The following CHD4 variants were observed in gnomAD, a reference collection of about 807,000 sequenced individuals.
CHD4 encodes ATP-dependent chromatin remodeler CHD4.
Under a neutral mutation model 235.5 loss-of-function variants are expected in CHD4, and 35 were observed. The observed-to-expected ratio is 0.15, with a 90% CI of 0.11 to 0.20. The LOEUF (loss-of-function observed/expected upper bound fraction) is 0.20, where lower values mean the gene tolerates loss of function less well. CHD4 is among the 10% of genes least tolerant of loss of function. CHD4 has a pLI of 1.00. For synonymous variants in CHD4, 900 were observed against 850.2 expected (o/e 1.06, Z -1.02); for missense variants, 1,329 against 2,432.3 (o/e 0.55, Z 9.54).
chr12:6,573,885 A>G (rs1948021825), intron 37 of CHD4, among the ~76,000 whole-genome samples: 2 of 149,992 alleles, frequency 1.3e-5, no homozygotes, highest in Admixed American at 1.3e-4. Flanking sequence ...TTAGCCAGGT[A>G]TGGTAGTGCG....
Position 6,607,315 on chromosome 12 carries a change from G to A in CHD4, c.-94C>T, listed in dbSNP as rs1160414728. 4 of 151,966 alleles carry A rather than the reference G, an allele frequency of 2.6e-5. No individual in the cohort carries two copies. The highest frequency in any genetic ancestry group is 5.9e-5 in the Non-Finnish European group (4 of 67,950). The allele number at this position is 151,966 out of a possible 1,614,324, so 9.4% of individuals were successfully genotyped here. A position where few individuals can be genotyped will look rare whatever the true frequency, so the allele number is the denominator to read the frequency against. ...CTCTCCTCACCCCGGAGCCGCCGCA[G>A]GTCGCGCTGGGTCCGGCTCGGTGTC... is the stretch of plus-strand genomic sequence containing the variant. On this transcript the variant is annotated 5_prime_UTR_variant, in exon 1 of 40. Coordinates refer to ENST00000544040, the MANE Select transcript of CHD4 (RefSeq NM_001273.5).
intron 28 of CHD4, 42 bp downstream of exon 28, chr12:6,582,806 A>T: frequency 6.2e-7 from 1 of 1,614,010 alleles, no homozygotes; most frequent in East Asian, 2.2e-5. Context: ...CAAAGATGCA[A>T]TATCTGACAC....
chr12:6,576,543 G>A (rs1295594805), intron 37 of CHD4, among the ~76,000 whole-genome samples: 5 of 152,116 alleles, frequency 3.3e-5, no homozygotes, highest in African/African-American at 1.2e-4. Context: ...TTGAACTCCT[G>A]GACTCAAGCA....
Position 6,577,815 on chromosome 12 carries a change from G to C in CHD4, c.5331C>G (p.Ile1777Met), listed in dbSNP as rs1948097561. The change falls in exon 37 of 40, where the codon ATC becomes ATG. Residue 1777 changes from isoleucine (I) to methionine (M), a missense_variant. Physicochemically the swap from Ile to Met is conservative, Grantham distance 10. Transcript: ENST00000544040. Reference sequence around the variant, plus strand: ...ACCTTCGAGCTAGAAATTTATTCTTGATCTCTAAGAAATTGCCACGGTTCA... The same window carrying C: ...ACCTTCGAGCTAGAAATTTATTCTTCATCTCTAAGAAATTGCCACGGTTCA... ...GEMNRGNFLE[I>M]KNKFLARRFK... The C allele has an allele frequency of 6.2e-7, 1 of 1,614,052 alleles. No individual in the cohort carries two copies. Among genetic ancestry groups the C allele is most frequent in the Admixed American group, 1.7e-5 (1 of 60,000 alleles).
In CHD4 at chr12:6,578,558, G is replaced by A. The variant is rs1348920487; in HGVS notation, c.4982-12C>T. 1 of 1,609,038 alleles carries A rather than the reference G, an allele frequency of 6.2e-7. No individual in the cohort carries two copies. The highest frequency in any genetic ancestry group is 1.7e-5 in the Admixed American group (1 of 59,468). On this transcript the variant is annotated splice_polypyrimidine_tract_variant and intron_variant, in intron 34 of 39. Transcript: ENST00000544040. ...TTCTTTCTTCTCTTCTACAGAATATGGGGAAGAAAAATGTCAGCTCCAGCC... is the reference window on the plus strand; with the variant it reads ...TTCTTTCTTCTCTTCTACAGAATATAGGGAAGAAAAATGTCAGCTCCAGCC...
intron 38 of CHD4, 178 bp from the exon 39 acceptor site, chr12:6,571,210 C>G: frequency 1.5e-6 from 1 of 687,136 alleles, no homozygotes; most frequent in Non-Finnish European, 2.4e-6. Context: ...CCAGTTCCAA[C>G]TGTCCATGAT....
chr12:6,570,620 A>C lies in CHD4; in HGVS notation c.*56T>G, dbSNP rs368227033. On this transcript the variant is annotated 3_prime_UTR_variant, in exon 40 of 40. Transcript: ENST00000544040. The stretch of plus-strand genomic sequence containing the variant: ...AGGCCCCCAGGGGAGAAGCTGGGAC[A>C]AGAGAAAGTGAGGAAGGTCACTGCT... 6.8e-6 allele frequency: 11 copies of C among 1,611,098 alleles called. No homozygotes were observed. In the African/African-American group the frequency reaches 1.5e-4, roughly 22 times the overall value.
chr12:6,585,872 C>A (rs1480484284), intron 25 of CHD4, among the ~76,000 whole-genome samples: 1 of 150,320 alleles, frequency 6.7e-6, no homozygotes, highest in African/African-American at 2.4e-5. Context: ...CCGAGGCAGG[C>A]GGATCACTTG....
chr12:6,585,800 A>C (rs1363738991), intron 25 of CHD4, among the ~76,000 whole-genome samples: 17 of 137,990 alleles, frequency 1.2e-4, no homozygotes, highest in South Asian at 4.5e-4. Context: ...AAAAAAAAAA[A>C]ACACACACAC....
In CHD4 at chr12:6,594,501, T is replaced by C. The variant is rs1948452640; in HGVS notation, c.2271A>G (p.Lys757=). 6.2e-7 allele frequency: 1 copy of C among 1,613,922 alleles called. No homozygotes were observed. Among genetic ancestry groups the C allele is most frequent in the African/African-American group, 1.3e-5 (1 of 75,036 alleles). ...ACAGGAAGACTGCTGTCTGTACAGTTTTCCCAAGGCCCATCTCATCAGCCA... is the reference window on the plus strand; with the variant it reads ...ACAGGAAGACTGCTGTCTGTACAGTCTTCCCAAGGCCCATCTCATCAGCCA... The part of the protein sequence containing the change: ...TILADEMGLG[K]TVQTAVFLYS... Residue 757 remains lysine, a synonymous_variant, in exon 15 of 40, where the codon AAA becomes AAG. Coordinates refer to ENST00000544040, the MANE Select transcript of CHD4 (RefSeq NM_001273.5).
chr12:6,591,397 C>T, intron 22 of CHD4, 69 bp downstream of exon 22: 1 of 1,213,624 alleles, frequency 8.2e-7, no homozygotes, highest in Non-Finnish European at 1.2e-6. Context: ...AGGAGATGCA[C>T]AAGAAGTTAC....
rs71584862 is a variant in CHD4, at chr12:6,606,256, C to T, written c.100+18G>A. 0.027 allele frequency: 40,601 copies of T among 1,520,626 alleles called. 2,363 individuals carry two copies. The East Asian group carries it at 0.29, about 11-fold the overall frequency. 94.2% of individuals were successfully genotyped at this position (1,520,626 alleles called of 1,614,324 possible). On this transcript the variant is annotated intron_variant, in intron 2 of 39. Transcript: ENST00000544040. ...CAGATGTCTCCTTCCCGCCATGGGC[C>T]CTTGGGGAAGATGTTACCTGGGTGG... is the stretch of plus-strand genomic sequence containing the variant.
chr12:6,574,411 C>T (rs530631817), intron 37 of CHD4, among the ~76,000 whole-genome samples: 3 of 152,268 alleles, frequency 2.0e-5, no homozygotes, highest in South Asian at 4.1e-4. Context: ...AACACTCATG[C>T]ACATGTCATC....
chr12:6,572,199 C>T (rs932372779), intron 38 of CHD4, among the ~76,000 whole-genome samples: 3 of 151,350 alleles, frequency 2.0e-5, no homozygotes, highest in Admixed American at 1.3e-4. Context: ...GAGGCGGAGG[C>T]GGGTGGATCA....
At chr12:6,582,582 C>T (rs750582102) in intron 29 of CHD4, 33 bp downstream of exon 29, 15 of 1,588,256 alleles carry the variant, frequency 9.4e-6, no homozygotes, top group Non-Finnish European at 1.3e-5. Flanking sequence ...GAAGCCCTTG[C>T]TCTAGATCAG....
chr12:6,606,158 C>T (rs541407059), intron 2 of CHD4, 116 bp downstream of exon 2: 169 of 687,610 alleles, frequency 2.5e-4, no homozygotes, highest in South Asian at 4.0e-5. Flanking sequence ...GGATACCCTC[C>T]ACCTCCGGCT....
At chr12:6,598,485 CCA>C (rs1948536609) in intron 10 of CHD4, 60 bp from the exon 11 acceptor site, 1 of 1,365,704 alleles carries the variant, frequency 7.3e-7, no homozygotes, top group Non-Finnish European at 1.0e-6. Context: ...AAGGGACAGC[CCA>C]CAGTCTCAAC....
In CHD4 at chr12:6,582,660, T is replaced by C; in HGVS notation, c.4325A>G (p.Gln1442Arg). Residue 1442 changes from glutamine (Q) to arginine (R), a missense_variant, in exon 29 of 40, where the codon CAG becomes CGG. Gln to Arg is a conservative substitution (Grantham distance 43). Around this residue, in one of 26 missense-constraint regions of CHD4, gnomAD observed 48 missense variants for 109.6 expected, o/e 0.44. Transcript: ENST00000544040. ...GCCTCGCAGGTCTCTTACAAGCCACTGGGTAGTAAAAGCATCCTGAGGTGG... is the reference window on the plus strand; with the variant it reads ...GCCTCGCAGGTCTCTTACAAGCCACCGGGTAGTAAAAGCATCCTGAGGTGG... ...GMPPQDAFTTQWLVRDLRGKS... is the reference protein window; with the variant it reads ...GMPPQDAFTTRWLVRDLRGKS... 1.2e-6 allele frequency: 2 copies of C among 1,614,118 alleles called. No homozygotes were observed. Among genetic ancestry groups the C allele is most frequent in the Non-Finnish European group, 1.7e-6 (2 of 1,180,008 alleles).
At chr12:6,605,361 C>T (rs1948674544) in intron 2 of CHD4, among the ~76,000 whole-genome samples, 1 of 152,152 alleles carries the variant, frequency 6.6e-6, no homozygotes, top group Admixed American at 6.6e-5. Flanking sequence ...TGAAAAAGGA[C>T]ACAGAAGAGA....
Sources: allele counts gnomAD v4.1 joint callset (sites outside exome capture counted in the v4.1 genomes callset), GRCh38; gene constraint gnomAD v4.1.1; regional missense constraint gnomAD v4.1.1; transcripts MANE v1.5; gene names NCBI Gene and HGNC (gene_info 2026-07-23, HGNC 2026-07-21).